KCNQ1: variants seen among roughly 807,000 people sequenced by gnomAD.
KCNQ1 encodes potassium voltage-gated channel subfamily KQT member 1.
Under a neutral mutation model 72.4 loss-of-function variants are expected in KCNQ1, and 49 were observed. That is an observed-to-expected ratio of 0.68 (90% CI 0.54 to 0.86). KCNQ1 has a LOEUF of 0.86. Ranked by LOEUF, KCNQ1 falls within the 40% of genes least tolerant of loss-of-function variation. KCNQ1 has a pLI of 0.00. For synonymous variants in KCNQ1, 450 were observed against 412.6 expected (o/e 1.09, Z -1.10); for missense variants, 790 against 945.1 (o/e 0.84, Z 2.15).
chr11:2,767,210 A>G lies in KCNQ1; in HGVS notation c.1515-1634A>G, dbSNP rs1042045567. Among the ~76,000 whole-genome samples, 1 of 151,430 alleles carries G rather than the reference A, an allele frequency of 6.6e-6. No homozygotes were observed. Among genetic ancestry groups the G allele is most frequent in the African/African-American group, 2.4e-5 (1 of 41,162 alleles). Reference sequence around the variant, plus strand: ...TATTTTTTTTTTTCTTTGCTTAGCTAGGAGGTTGGACTTGGTTCAGCTAGG... The same window carrying G: ...TATTTTTTTTTTTCTTTGCTTAGCTGGGAGGTTGGACTTGGTTCAGCTAGG... On this transcript the variant is annotated intron_variant, in intron 11 of 15. Coordinates refer to ENST00000155840, the MANE Select transcript of KCNQ1 (RefSeq NM_000218.3). This position sits in a 1 kb window ranked among gnomAD's most constrained non-coding sequence, Gnocchi z 4.6.
At position 2,611,277 on chromosome 11, in the gene KCNQ1, T is replaced by A. The variant is rs1437450439; in HGVS notation, c.1393+22423T>A. On this transcript the variant is annotated intron_variant, in intron 10 of 15. Coordinates refer to ENST00000155840, the MANE Select transcript of KCNQ1 (RefSeq NM_000218.3). This position sits in a 1 kb window ranked among gnomAD's most constrained non-coding sequence, Gnocchi z 5.3. ...CTCTGTTGCCCAGGCTGGAGTGCAGTGGCGTGACCTTGGCTCACTGCAACC... is the reference window on the plus strand; with the variant it reads ...CTCTGTTGCCCAGGCTGGAGTGCAGAGGCGTGACCTTGGCTCACTGCAACC... 1 of 397,512 alleles carries A rather than the reference T, an allele frequency of 2.5e-6. No homozygotes were observed. Among genetic ancestry groups the A allele is most frequent in the East Asian group, 3.6e-5 (1 of 28,068 alleles). The allele number at this position is 397,512 out of a possible 1,614,324, so 24.6% of individuals were successfully genotyped here.
chr11:2,668,720 A>G lies in KCNQ1; in HGVS notation c.1514+6639A>G. ...CTCACACTCTCTCACAGACACACAC[A>G]TTGCAAATATCGCCTCCCCCTCTGC... On this transcript the variant is annotated intron_variant, in intron 11 of 15. Transcript: ENST00000155840. The surrounding 1 kb of genome is among the most constrained non-coding windows in gnomAD (Gnocchi z 4.3). 5.0e-6 allele frequency: 2 copies of G among 398,580 alleles called. No individual in the cohort carries two copies. Among genetic ancestry groups the G allele is most frequent in the Non-Finnish European group, 8.8e-6 (2 of 226,062 alleles). The allele number at this position is 398,580 out of a possible 1,614,324, so 24.7% of individuals were successfully genotyped here. A position where few individuals can be genotyped will look rare whatever the true frequency, so the allele number is the denominator to read the frequency against.
At position 2,816,406 on chromosome 11, in the gene KCNQ1, A is replaced by G. The variant is rs1187512427; in HGVS notation, c.1795-31361A>G. Among the ~76,000 whole-genome samples the G allele has an allele frequency of 1.3e-5, 2 of 152,110 alleles. No individual in the cohort carries two copies. The highest frequency in any genetic ancestry group is 2.9e-5 in the Non-Finnish European group (2 of 68,006). The stretch of plus-strand genomic sequence containing the variant: ...GTCAGGCTGCTGAAAGTGAGACCAC[A>G]CTCACCCTGTGGTCCAGTGATCTCC... On this transcript the variant is annotated intron_variant, in intron 15 of 15. Coordinates refer to ENST00000155840, the MANE Select transcript of KCNQ1 (RefSeq NM_000218.3). The surrounding 1 kb of genome is among the most constrained non-coding windows in gnomAD (Gnocchi z 6.8).
At chr11:2,561,484 C>T (rs1263221031) in intron 2 of KCNQ1, among the ~76,000 whole-genome samples, 1 of 152,222 alleles carries the variant, frequency 6.6e-6, no homozygotes, top group Non-Finnish European at 1.5e-5. Flanking sequence ...ATGCCCTTTC[C>T]ACAGGCCCAG....
At position 2,621,552 on chromosome 11, in the gene KCNQ1, C is replaced by T; in HGVS notation, c.1393+32698C>T. On this transcript the variant is annotated intron_variant, in intron 10 of 15. Coordinates refer to ENST00000155840, the MANE Select transcript of KCNQ1 (RefSeq NM_000218.3). The surrounding 1 kb of genome is among the most constrained non-coding windows in gnomAD (Gnocchi z 5.7). The stretch of plus-strand genomic sequence containing the variant: ...GCTATGCAGAAGCTCTTTAGTTTAC[C>T]ACTGTGATCTCTTTGCTATTGGTCT... 3 of 398,328 alleles carry T rather than the reference C, an allele frequency of 7.5e-6. No individual in the cohort carries two copies. The highest frequency in any genetic ancestry group is 1.3e-5 in the Non-Finnish European group (3 of 225,982). The allele number at this position is 398,328 out of a possible 1,614,324, so 24.7% of individuals were successfully genotyped here.
Position 2,494,706 on chromosome 11 carries a change from G to T in KCNQ1, c.387-33222G>T, listed in dbSNP as rs1435231944. Among the ~76,000 whole-genome samples the T allele has an allele frequency of 6.6e-6, 1 of 152,166 alleles. No homozygotes were observed. The highest frequency in any genetic ancestry group is 1.5e-5 in the Non-Finnish European group (1 of 68,024). Reference sequence around the variant, plus strand: ...GGATGAAGCCCACTTGATCACCATGGATAAGCTTTTTGATGTGCTGCTGGA... The same window carrying T: ...GGATGAAGCCCACTTGATCACCATGTATAAGCTTTTTGATGTGCTGCTGGA... On this transcript the variant is annotated intron_variant, in intron 1 of 15. Transcript: ENST00000155840. This position sits in a 1 kb window ranked among gnomAD's most constrained non-coding sequence, Gnocchi z 4.6.
chr11:2,626,012 T>C lies in KCNQ1; in HGVS notation c.1394-35949T>C, dbSNP rs772205305. ...AGGTTGTCTTATTGCTTAGTTGATA[T>C]TATTTTAATGCACACAATGTAAATT... is the stretch of plus-strand genomic sequence containing the variant. On this transcript the variant is annotated intron_variant, in intron 10 of 15. Coordinates refer to ENST00000155840, the MANE Select transcript of KCNQ1 (RefSeq NM_000218.3). The surrounding 1 kb of genome is among the most constrained non-coding windows in gnomAD (Gnocchi z 4.0). The C allele has an allele frequency of 5.0e-6, 2 of 398,548 alleles. No individual in the cohort carries two copies. The highest frequency in any genetic ancestry group is 8.8e-6 in the Non-Finnish European group (2 of 226,066). 24.7% of individuals were successfully genotyped at this position (398,548 alleles called of 1,614,324 possible).
At chr11:2,582,851 G>A (rs982302883) in intron 6 of KCNQ1, among the ~76,000 whole-genome samples, 28 of 152,164 alleles carry the variant, frequency 1.8e-4, no homozygotes, top group Admixed American at 1.8e-3. Flanking sequence ...GCCAGCGCGG[G>A]GGAAAGGGTG....
chr11:2,808,999 G>A lies in KCNQ1; in HGVS notation c.1794+30962G>A, dbSNP rs1450654548. Among the ~76,000 whole-genome samples the A allele has an allele frequency of 6.7e-6, 1 of 148,944 alleles. No homozygotes were observed. The highest frequency in any genetic ancestry group is 2.5e-5 in the African/African-American group (1 of 40,326). Reference sequence around the variant, plus strand: ...TAGATGCAGAGATGGAGGGAGGGAGGGAAGGAGGGATGGATAAATGGAGGA... The same window carrying A: ...TAGATGCAGAGATGGAGGGAGGGAGAGAAGGAGGGATGGATAAATGGAGGA... On this transcript the variant is annotated intron_variant, in intron 15 of 15. Coordinates refer to ENST00000155840, the MANE Select transcript of KCNQ1 (RefSeq NM_000218.3). The surrounding 1 kb of genome is among the most constrained non-coding windows in gnomAD (Gnocchi z 6.0).
In KCNQ1 at chr11:2,687,925, G is replaced by A. The variant is rs1204224811; in HGVS notation, c.1514+25844G>A. ...ATGGAAAATCCCCAGCAGTTGTGAG[G>A]CTGCACTTCTCCCACCCGCTGTGGG... is the stretch of plus-strand genomic sequence containing the variant. On this transcript the variant is annotated intron_variant, in intron 11 of 15. Coordinates refer to ENST00000155840, the MANE Select transcript of KCNQ1 (RefSeq NM_000218.3). This position sits in a 1 kb window ranked among gnomAD's most constrained non-coding sequence, Gnocchi z 5.0. 5.0e-6 allele frequency: 2 copies of A among 398,646 alleles called. No homozygotes were observed. Among genetic ancestry groups the A allele is most frequent in the African/African-American group, 2.1e-5 (1 of 48,642 alleles). The allele number at this position is 398,646 out of a possible 1,614,324, so 24.7% of individuals were successfully genotyped here.
intron 11 of KCNQ1, chr11:2,694,323 C>A (rs1198321790): frequency 1.5e-5 from 6 of 398,564 alleles, no homozygotes; most frequent in Non-Finnish European, 2.7e-5. Context: ...TGGTTGTCAT[C>A]TGCGGTGCCC....
intron 11 of KCNQ1, chr11:2,684,118 T>G: frequency 2.5e-6 from 1 of 398,634 alleles, no homozygotes; most frequent in Non-Finnish European, 4.4e-6. Context: ...CATAGATTCT[T>G]AAGGGGACCG....
chr11:2,660,302 A>G (rs1849928733), intron 10 of KCNQ1: 1 of 398,458 alleles, frequency 2.5e-6, no homozygotes. Context: ...ACACACATAC[A>G]TATGTATACA....
rs1356016835 is a variant in KCNQ1, at chr11:2,752,925, C to A, written c.1515-15919C>A. Among the ~76,000 whole-genome samples, 1 of 152,164 alleles carries A rather than the reference C, an allele frequency of 6.6e-6. No homozygotes were observed. Among genetic ancestry groups the A allele is most frequent in the Non-Finnish European group, 1.5e-5 (1 of 68,028 alleles). ...GATCCTCGCACAATTTCACTGCCAG[C>A]CAGGAAGGTCTGCCCTGGCTGGTCT... On this transcript the variant is annotated intron_variant, in intron 11 of 15. Coordinates refer to ENST00000155840, the MANE Select transcript of KCNQ1 (RefSeq NM_000218.3). The surrounding 1 kb of genome is among the most constrained non-coding windows in gnomAD (Gnocchi z 5.2).
Position 2,784,347 on chromosome 11 carries a change from A to G in KCNQ1, c.1794+6310A>G, listed in dbSNP as rs1253012307. Among the ~76,000 whole-genome samples, 1 of 151,922 alleles carries G rather than the reference A, an allele frequency of 6.6e-6. No individual in the cohort carries two copies. Among genetic ancestry groups the G allele is most frequent in the Non-Finnish European group, 1.5e-5 (1 of 67,806 alleles). On this transcript the variant is annotated intron_variant, in intron 15 of 15. Transcript: ENST00000155840. This position sits in a 1 kb window ranked among gnomAD's most constrained non-coding sequence, Gnocchi z 4.7. The stretch of plus-strand genomic sequence containing the variant: ...TTATAGGTTTATTTCTGGATTTTCA[A>G]TTCTATTATGTTGGTCTATATGCCT...
chr11:2,788,554 C>G (rs899608083), intron 15 of KCNQ1, among the ~76,000 whole-genome samples: 3 of 151,554 alleles, frequency 2.0e-5, no homozygotes, highest in East Asian at 1.9e-4. Flanking sequence ...CACCACCCCC[C>G]GCCCCCCACA....
chr11:2,470,787 A>G (rs1440888203), intron 1 of KCNQ1, among the ~76,000 whole-genome samples: 1 of 151,460 alleles, frequency 6.6e-6, no homozygotes, highest in African/African-American at 2.4e-5. Flanking sequence ...CAATCCTCCC[A>G]CCTCAGCCTC....
At position 2,657,089 on chromosome 11, in the gene KCNQ1, C is replaced by T. The variant is rs1017685262; in HGVS notation, c.1394-4872C>T. On this transcript the variant is annotated intron_variant, in intron 10 of 15. Coordinates refer to ENST00000155840, the MANE Select transcript of KCNQ1 (RefSeq NM_000218.3). This position sits in a 1 kb window ranked among gnomAD's most constrained non-coding sequence, Gnocchi z 4.8. ...CTGTCCCATTGGCCTATTTGTCTCT[C>T]CCTGTGTCAATACCACATTGCCCTA... 1.3e-5 allele frequency: 5 copies of T among 398,500 alleles called. No individual in the cohort carries two copies. The highest frequency in any genetic ancestry group is 2.2e-5 in the Non-Finnish European group (5 of 226,072). The allele number at this position is 398,500 out of a possible 1,614,324, so 24.7% of individuals were successfully genotyped here. A position where few individuals can be genotyped will look rare whatever the true frequency, so the allele number is the denominator to read the frequency against.
At chr11:2,552,381 CAGTT>C (rs1847995674) in intron 2 of KCNQ1, among the ~76,000 whole-genome samples, 2 of 152,184 alleles carry the variant, frequency 1.3e-5, no homozygotes, top group South Asian at 4.1e-4. Context: ...TGATGAAAAT[CAGTT>C]GGCCGTGTGT....
Sources: gnomAD v4.1 joint callset for allele counts (sites outside exome capture counted in the v4.1 genomes callset) on GRCh38, gnomAD v4.1.1 for gene constraint, Gnocchi (gnomAD v3.1) non-coding constraint, MANE v1.5 for transcripts, NCBI Gene and HGNC (gene_info 2026-07-23, HGNC 2026-07-21) for gene names.